Variants in AGMO observed in about 807,000 individuals in gnomAD.
AGMO encodes alkylglycerol monooxygenase.
Under a neutral mutation model 60.2 loss-of-function variants are expected in AGMO, and 75 were observed. The observed-to-expected ratio is 1.25, with a 90% CI of 1.03 to 1.51. The LOEUF is 1.51. Among genes scored for constraint, AGMO ranks in the 40% most tolerant of loss-of-function variants. The pLI, the probability that AGMO is intolerant of heterozygous loss-of-function variation, is 0.00. For synonymous variants in AGMO, 261 were observed against 177.1 expected (o/e 1.47, Z -3.76); for missense variants, 763 against 525.5 (o/e 1.45, Z -4.42).
intron 3 of AGMO, among the ~76,000 whole-genome samples, chr7:15,479,960 C>G (rs967534115): frequency 2.6e-5 from 4 of 151,862 alleles, no homozygotes; most frequent in African/African-American, 7.3e-5. Flanking sequence ...CAAAGGGTGA[C>G]TTAAAGCAAA....
At chr7:15,507,108 G>A (rs1783532058) in intron 3 of AGMO, among the ~76,000 whole-genome samples, 1 of 152,102 alleles carries the variant, frequency 6.6e-6, no homozygotes, top group Admixed American at 6.6e-5. Flanking sequence ...GAAAGTGTGA[G>A]CCAAGGATTT....
intron 8 of AGMO, among the ~76,000 whole-genome samples, chr7:15,388,051 G>A (rs1044381109): frequency 2.0e-5 from 3 of 152,040 alleles, no homozygotes; most frequent in African/African-American, 7.2e-5. Flanking sequence ...GGGATTACAG[G>A]TGCCTGCCAC....
chr7:15,348,656 G>C (rs1363945503), intron 12 of AGMO, among the ~76,000 whole-genome samples: 1 of 151,864 alleles, frequency 6.6e-6, no homozygotes. Flanking sequence ...CTTTTTTAAG[G>C]CTGTTTTTAC....
chr7:15,326,452 T>C (rs1583411518), intron 12 of AGMO, among the ~76,000 whole-genome samples: 1 of 152,214 alleles, frequency 6.6e-6, no homozygotes, highest in Non-Finnish European at 1.5e-5. Context: ...TCACATAAAA[T>C]ACACAGACCT....
intron 2 of AGMO, among the ~76,000 whole-genome samples, chr7:15,555,629 C>T (rs1785112039): frequency 6.6e-6 from 1 of 151,740 alleles, no homozygotes. Context: ...ACCATAAAAC[C>T]ATAAACCTTT....
At chr7:15,470,418 T>G (rs1461276977) in intron 3 of AGMO, among the ~76,000 whole-genome samples, 1 of 151,992 alleles carries the variant, frequency 6.6e-6, no homozygotes, top group Non-Finnish European at 1.5e-5. Flanking sequence ...TTTTTCTGTT[T>G]CATGGGCTTA....
intron 12 of AGMO, among the ~76,000 whole-genome samples, chr7:15,283,663 G>A (rs745712504): frequency 2.0e-5 from 3 of 151,914 alleles, no homozygotes; most frequent in Admixed American, 2.0e-4. Context: ...ACTGACACTA[G>A]ACAGATCTTC....
intron 12 of AGMO, among the ~76,000 whole-genome samples, chr7:15,214,868 G>A (rs2128494905): frequency 6.6e-6 from 1 of 152,048 alleles, no homozygotes; most frequent in East Asian, 1.9e-4. Context: ...TATTTAGTTT[G>A]CCTTCTCGGA....
chr7:15,171,702 C>A, the AGMO span, among the ~76,000 whole-genome samples: 3 of 152,144 alleles, frequency 2.0e-5, no homozygotes, highest in Admixed American at 2.0e-4. Context: ...TAGTATTATA[C>A]CATGTGTGTT....
intron 12 of AGMO, among the ~76,000 whole-genome samples, chr7:15,231,371 G>A (rs1782254626): frequency 6.6e-6 from 1 of 152,148 alleles, no homozygotes; most frequent in Non-Finnish European, 1.5e-5. Context: ...CCCCAGCAGT[G>A]AGTCAATGTA....
In AGMO at chr7:15,354,387, T is replaced by TGTACACAC. The variant is rs1234827335; in HGVS notation, c.1263+11126_1263+11127insGTGTGTAC. Among the ~76,000 whole-genome samples the TGTACACAC allele has an allele frequency of 7.9e-5, 3 of 38,168 alleles. 1 individual carries two copies. Among genetic ancestry groups the TGTACACAC allele is most frequent in the African/African-American group, 6.9e-4 (3 of 4,340 alleles). The allele number at this position is 38,168 out of a possible 152,430, so 25.0% of individuals were successfully genotyped here. A position where few individuals can be genotyped will look rare whatever the true frequency, so the allele number is the denominator to read the frequency against. On this transcript the variant is annotated intron_variant, in intron 12 of 12. Transcript: ENST00000342526. ...GTATATAGACGTGTGTATACACGTG[T>TGTACACAC]GTGTATACACGTGTGTGTACACACG...
intron 12 of AGMO, among the ~76,000 whole-genome samples, chr7:15,233,923 T>A (rs1343956262): frequency 2.0e-5 from 3 of 152,094 alleles, no homozygotes; most frequent in Non-Finnish European, 4.4e-5. Flanking sequence ...GGTGCGCCCC[T>A]GTAATCCCAG....
rs373845365 is a variant in AGMO, at chr7:15,432,379, T to TATATATATATATATATACATAC, written c.410-1272_410-1271insGTATGTATATATATATATATAT. ...ATATATATACACACACATATATATA[T>TATATATATATATATATACATAC]ACACTATCTGGGTAAATTTTGGCCA... On this transcript the variant is annotated intron_variant, in intron 3 of 12. Transcript: ENST00000342526. 7.1e-3 allele frequency among the ~76,000 whole-genome samples: 965 copies of TATATATATATATATATACATAC among 136,092 alleles called. 20 individuals carry two copies. The highest frequency in any genetic ancestry group is 0.026 in the African/African-American group (914 of 35,546). The allele number at this position is 136,092 out of a possible 152,430, so 89.3% of individuals were successfully genotyped here.
At chr7:15,538,564 A>T (rs1236306047) in intron 3 of AGMO, among the ~76,000 whole-genome samples, 1 of 152,114 alleles carries the variant, frequency 6.6e-6, no homozygotes, top group Non-Finnish European at 1.5e-5. Flanking sequence ...TAAAATAAAG[A>T]ATGTCATAAT....
the AGMO span, among the ~76,000 whole-genome samples, chr7:15,141,778 A>G: frequency 6.6e-6 from 1 of 152,202 alleles, no homozygotes; most frequent in African/African-American, 2.4e-5. Flanking sequence ...TAACTTTGAT[A>G]TTGTCACTAA....
the AGMO span, among the ~76,000 whole-genome samples, chr7:15,145,065 T>C: frequency 7.0e-4 from 106 of 152,308 alleles, no homozygotes; most frequent in Middle Eastern, 3.4e-3. Context: ...CCTGACCTTG[T>C]GATCCGCCCG....
intron 5 of AGMO, among the ~76,000 whole-genome samples, chr7:15,416,379 T>A (rs1458745890): frequency 1.3e-5 from 2 of 152,032 alleles, no homozygotes; most frequent in Non-Finnish European, 2.9e-5. Flanking sequence ...AAACAGAAAA[T>A]TTCTATAAAC....
intron 12 of AGMO, among the ~76,000 whole-genome samples, chr7:15,222,679 T>C (rs1364251081): frequency 1.3e-5 from 2 of 152,012 alleles, no homozygotes; most frequent in African/African-American, 2.4e-5. Context: ...TACAGAAAAA[T>C]GGAAAGTTTG....
chr7:15,293,382 T>C (rs1279048041), intron 12 of AGMO, among the ~76,000 whole-genome samples: 1 of 152,086 alleles, frequency 6.6e-6, no homozygotes, highest in Non-Finnish European at 1.5e-5. Flanking sequence ...TTTCAGCATA[T>C]AACTAAACCG....
Sources: gnomAD v4.1 joint callset for allele counts (sites outside exome capture counted in the v4.1 genomes callset) on GRCh38, gnomAD v4.1.1 for gene constraint, MANE v1.5 for transcripts, NCBI Gene and HGNC (gene_info 2026-07-23, HGNC 2026-07-21) for gene names.